GPC5: variants seen among roughly 807,000 people sequenced by gnomAD.
GPC5 encodes glypican-5.
In GPC5, 47 loss-of-function variants were observed where a neutral mutation model predicts 53.9. The ratio of observed to expected loss-of-function variants is 0.87; its 90% CI spans 0.69 to 1.11. The LOEUF is 1.11. Among genes scored for constraint, GPC5 ranks in the 50% most tolerant of loss-of-function variants. The pLI, the probability that GPC5 is intolerant of heterozygous loss-of-function variation, is 0.00. For missense variants in GPC5, 748 were observed against 713.1 expected, an observed-to-expected ratio of 1.05 and a Z score of -0.56; for synonymous variants, 286 against 263.3, an observed-to-expected ratio of 1.09 and a Z score of -0.84.
chr13:92,523,508 A>G (rs1881149950), intron 7 of GPC5, among the ~76,000 whole-genome samples: 1 of 152,156 alleles, frequency 6.6e-6, no homozygotes. Flanking sequence ...TTTTGTAAAT[A>G]CATACACAGT....
intron 6 of GPC5, among the ~76,000 whole-genome samples, chr13:92,105,894 G>T (rs1243263537): frequency 6.6e-6 from 1 of 151,976 alleles, no homozygotes; most frequent in Non-Finnish European, 1.5e-5. Flanking sequence ...CTGAGAAAAA[G>T]AAGGCAGTCT....
At chr13:91,868,680 G>C (rs1469589504) in intron 5 of GPC5, among the ~76,000 whole-genome samples, 1 of 152,138 alleles carries the variant, frequency 6.6e-6, no homozygotes, top group Non-Finnish European at 1.5e-5. Flanking sequence ...ACTCCAGCCT[G>C]GGTGACAGAA....
chr13:92,500,330 C>A (rs1286580036), intron 7 of GPC5, among the ~76,000 whole-genome samples: 56 of 152,060 alleles, frequency 3.7e-4, no homozygotes, highest in Non-Finnish European at 2.9e-5. Context: ...AACTCCCTGG[C>A]CCTCCTGGCA....
intron 7 of GPC5, among the ~76,000 whole-genome samples, chr13:92,357,875 G>T (rs2043535401): frequency 1.3e-5 from 1 of 77,372 alleles, no homozygotes; most frequent in South Asian, 5.5e-4. Context: ...CATGAGATAT[G>T]GGGGGGGACA....
intron 7 of GPC5, among the ~76,000 whole-genome samples, chr13:92,232,801 A>G (rs2042540845): frequency 6.6e-6 from 1 of 152,192 alleles, no homozygotes; most frequent in South Asian, 2.1e-4. Context: ...TTTGTGAGAT[A>G]TACCTTCTCT....
chr13:91,650,750 G>GTTTTTGTTTTTTTTTTTTTTT lies in GPC5; in HGVS notation c.326-42432_326-42431insGTTTTTTTTTTTTTTTTTTTT, dbSNP rs1491353283. Among the ~76,000 whole-genome samples, 571 of 99,574 alleles carry GTTTTTGTTTTTTTTTTTTTTT rather than the reference G, an allele frequency of 5.7e-3. 30 individuals carry two copies. Among genetic ancestry groups the GTTTTTGTTTTTTTTTTTTTTT allele is most frequent in the East Asian group, 0.026 (80 of 3,040 alleles). 65.3% of individuals were successfully genotyped at this position (99,574 alleles called of 152,430 possible). A position where few individuals can be genotyped will look rare whatever the true frequency, so the allele number is the denominator to read the frequency against. ...CATCTGTGAAACAAAATTCCCATAA[G>GTTTTTGTTTTTTTTTTTTTTT]TTTTTTTTTTTTTTTTTTTTTTAGC... On this transcript the variant is annotated intron_variant, in intron 2 of 7. Transcript: ENST00000377067.
At chr13:91,533,841 A>G (rs1461576466) in intron 2 of GPC5, among the ~76,000 whole-genome samples, 2 of 152,160 alleles carry the variant, frequency 1.3e-5, no homozygotes, top group Non-Finnish European at 2.9e-5. Context: ...CATCTACAAC[A>G]TACTCCTTCC....
intron 7 of GPC5, among the ~76,000 whole-genome samples, chr13:92,443,327 T>A (rs904376073): frequency 6.6e-6 from 1 of 152,184 alleles, no homozygotes; most frequent in African/African-American, 2.4e-5. Context: ...ACATGGGGGA[T>A]CATATTTCAA....
At chr13:92,667,304 C>T (rs560616238) in intron 7 of GPC5, among the ~76,000 whole-genome samples, 3 of 151,578 alleles carry the variant, frequency 2.0e-5, no homozygotes, top group East Asian at 1.9e-4. Flanking sequence ...GAGAGGGAGA[C>T]GAATTGGAGG....
chr13:92,589,650 C>A (rs1883655233), intron 7 of GPC5, among the ~76,000 whole-genome samples: 1 of 152,110 alleles, frequency 6.6e-6, no homozygotes, highest in East Asian at 1.9e-4. Flanking sequence ...TATTGCTTTG[C>A]CAAATTCCAT....
At chr13:91,936,076 C>A (rs955601331) in intron 6 of GPC5, among the ~76,000 whole-genome samples, 8 of 152,110 alleles carry the variant, frequency 5.3e-5, no homozygotes, top group African/African-American at 1.9e-4. Flanking sequence ...ATTTTAATTA[C>A]CAAGGTATAG....
At chr13:91,919,159 A>G (rs2039686919) in intron 6 of GPC5, among the ~76,000 whole-genome samples, 1 of 152,136 alleles carries the variant, frequency 6.6e-6, no homozygotes, top group African/African-American at 2.4e-5. Flanking sequence ...ATCCATTACT[A>G]CAGTCTCAAT....
intron 7 of GPC5, among the ~76,000 whole-genome samples, chr13:92,861,795 T>C (rs990621191): frequency 6.6e-6 from 1 of 152,320 alleles, no homozygotes. Context: ...TAAATAAAAA[T>C]ATAGACCTAT....
intron 2 of GPC5, among the ~76,000 whole-genome samples, chr13:91,589,104 C>T (rs1291132303): frequency 2.6e-5 from 4 of 152,092 alleles, no homozygotes; most frequent in African/African-American, 9.7e-5. Flanking sequence ...TAGTTTCCAA[C>T]TGCCTAATTT....
chr13:92,523,141 A>T (rs1881134714), intron 7 of GPC5, among the ~76,000 whole-genome samples: 1 of 152,160 alleles, frequency 6.6e-6, no homozygotes, highest in South Asian at 2.1e-4. Context: ...AAAGAAATTT[A>T]TGAATTGTTT....
chr13:91,991,942 C>T (rs779957813), intron 6 of GPC5, among the ~76,000 whole-genome samples: 2 of 152,184 alleles, frequency 1.3e-5, no homozygotes, highest in Non-Finnish European at 2.9e-5. Flanking sequence ...TTTATATTCA[C>T]ACATGCAGTT....
chr13:92,390,491 T>C (rs1172147525), intron 7 of GPC5, among the ~76,000 whole-genome samples: 1 of 152,178 alleles, frequency 6.6e-6, no homozygotes, highest in Non-Finnish European at 1.5e-5. Context: ...CTGCATGACA[T>C]AATCGGCTGC....
chr13:92,365,076 A>G (rs909470342), intron 7 of GPC5, among the ~76,000 whole-genome samples: 8 of 151,714 alleles, frequency 5.3e-5, no homozygotes, highest in African/African-American at 2.0e-4. Context: ...TCACTTAATG[A>G]TGGGGCTACC....
At chr13:92,299,036 C>G (rs746481567) in intron 7 of GPC5, among the ~76,000 whole-genome samples, 4 of 151,956 alleles carry the variant, frequency 2.6e-5, no homozygotes, top group Non-Finnish European at 5.9e-5. Flanking sequence ...TAATTAGATC[C>G]ATAGTTAGAG....
Sources: gnomAD v4.1 joint callset for allele counts (sites outside exome capture counted in the v4.1 genomes callset) on GRCh38, gnomAD v4.1.1 for gene constraint, MANE v1.5 for transcripts, NCBI Gene and HGNC (gene_info 2026-07-23, HGNC 2026-07-21) for gene names.